Variants in WDR72 observed in about 807,000 individuals in gnomAD.
WDR72 encodes WD repeat-containing protein 72.
Under a neutral mutation model 124.2 loss-of-function variants are expected in WDR72, and 120 were observed. The ratio of observed to expected loss-of-function variants is 0.97; its 90% confidence interval spans 0.83 to 1.12. WDR72 has a LOEUF of 1.12. Among genes scored for constraint, WDR72 ranks in the 50% most tolerant of loss-of-function variants. WDR72 has a pLI of 0.00. For missense variants in WDR72, 1,387 were observed against 1,278.8 expected (o/e 1.08, Z -1.29); for synonymous variants, 452 against 441.7 (o/e 1.02, Z -0.29).
chr15:53,568,031 A>G (rs1376320602), intron 18 of WDR72, among the ~76,000 whole-genome samples: 1 of 145,734 alleles, frequency 6.9e-6, no homozygotes, highest in Non-Finnish European at 1.5e-5. Context: ...ATTATCTAGG[A>G]TGCTCCAAAT....
At chr15:53,595,399 C>A (rs1407766092) in intron 18 of WDR72, among the ~76,000 whole-genome samples, 1 of 152,066 alleles carries the variant, frequency 6.6e-6, no homozygotes, top group African/African-American at 2.4e-5. Context: ...ACTGCAGGAA[C>A]CTCCTTATGT....
chr15:53,596,230 A>G (rs1257883634), intron 18 of WDR72, among the ~76,000 whole-genome samples: 1 of 152,202 alleles, frequency 6.6e-6, no homozygotes, highest in Admixed American at 6.5e-5. Context: ...ACAAAAACAC[A>G]TATTTAATCA....
At chr15:53,742,071 G>A (rs2018525507) in intron 1 of WDR72, among the ~76,000 whole-genome samples, 1 of 152,136 alleles carries the variant, frequency 6.6e-6, no homozygotes, top group Admixed American at 6.5e-5. Flanking sequence ...CTGAGATTCT[G>A]AGAAAGACCA....
At chr15:53,711,569 C>T (rs1361744089) in intron 7 of WDR72, 88 bp from the exon 8 acceptor site, 2 of 1,383,678 alleles carry the variant, frequency 1.4e-6, no homozygotes, top group African/African-American at 2.9e-5. Flanking sequence ...AATAATATAA[C>T]AACATAGTAA....
chr15:53,532,542 A>G (rs1470552711), intron 18 of WDR72, among the ~76,000 whole-genome samples: 2 of 152,156 alleles, frequency 1.3e-5, no homozygotes, highest in African/African-American at 2.4e-5. Flanking sequence ...AGTCAGGTAC[A>G]GAAAAACAAA....
chr15:53,548,611 G>C (rs990732056), intron 18 of WDR72, among the ~76,000 whole-genome samples: 4 of 151,102 alleles, frequency 2.6e-5, no homozygotes, highest in Non-Finnish European at 5.9e-5. Context: ...TGTAGTGAAT[G>C]CTAATGATTT....
chr15:53,592,982 TATTA>T (rs1251301744), intron 18 of WDR72, among the ~76,000 whole-genome samples: 1 of 152,014 alleles, frequency 6.6e-6, no homozygotes, highest in East Asian at 1.9e-4. Context: ...GATACACAAA[TATTA>T]AGACCTCAAA....
chr15:53,730,612 A>G (rs1406107248), intron 2 of WDR72, among the ~76,000 whole-genome samples: 1 of 152,068 alleles, frequency 6.6e-6, no homozygotes, highest in Non-Finnish European at 1.5e-5. Context: ...CTCCCTGTTC[A>G]CTTTACAACC....
At chr15:53,661,443 C>T (rs1376108560) in intron 14 of WDR72, among the ~76,000 whole-genome samples, 6 of 152,140 alleles carry the variant, frequency 3.9e-5, no homozygotes, top group African/African-American at 4.8e-5. Flanking sequence ...AGCTCATGTA[C>T]TCCCATCCTT....
At chr15:53,747,669 A>G (rs1050833869) in intron 1 of WDR72, among the ~76,000 whole-genome samples, 2 of 152,208 alleles carry the variant, frequency 1.3e-5, no homozygotes, top group African/African-American at 4.8e-5. Flanking sequence ...AGATTTTCAC[A>G]GAGTATTGCC....
intron 13 of WDR72, among the ~76,000 whole-genome samples, chr15:53,682,537 C>T (rs2016431390): frequency 6.6e-6 from 1 of 151,968 alleles, no homozygotes; most frequent in Non-Finnish European, 1.5e-5. Context: ...ACCATCTCTT[C>T]ACGGATGCAT....
At chr15:53,697,401 C>T (rs2017035441) in intron 13 of WDR72, among the ~76,000 whole-genome samples, 1 of 152,170 alleles carries the variant, frequency 6.6e-6, no homozygotes. Context: ...TTCTTCCAAC[C>T]CTCCCCTCTC....
At chr15:53,617,979 T>C (rs2013836137) in intron 14 of WDR72, among the ~76,000 whole-genome samples, 1 of 151,996 alleles carries the variant, frequency 6.6e-6, no homozygotes, top group South Asian at 2.1e-4. Context: ...ATTATGAAGG[T>C]GTGTGCTTTA....
intron 1 of WDR72, among the ~76,000 whole-genome samples, chr15:53,743,864 A>G (rs2018573558): frequency 1.3e-5 from 2 of 151,906 alleles, no homozygotes; most frequent in African/African-American, 4.8e-5. Flanking sequence ...AGTCCCAGCT[A>G]CTTGGGAGGC....
At position 53,615,562 on chromosome 15, in the gene WDR72, C is replaced by A. The variant is rs775185617; in HGVS notation, c.2644G>T (p.Val882Phe). The A allele has an allele frequency of 1.8e-5, 29 of 1,612,928 alleles. No individual in the cohort carries two copies. Among genetic ancestry groups the A allele is most frequent in the Non-Finnish European group, 2.0e-5 (24 of 1,179,470 alleles). The change falls in exon 15 of 20, where the codon GTT (valine) becomes TTT (phenylalanine). Residue 882 changes from valine to phenylalanine, a missense_variant. By Grantham distance (50) the Val-to-Phe change is conservative (BLOSUM62 -1). Coordinates refer to ENST00000360509, the MANE Select transcript of WDR72 (RefSeq NM_182758.4). ...DKYTATLPNQVGIPRGLENNC... is the reference protein window; with the variant it reads ...DKYTATLPNQFGIPRGLENNC... Reference sequence around the variant, plus strand: ...TTTTCCAATCCTCTTGGAATTCCAACCTGATTTGGAAGAGTGGCTGTGTAT... The same window carrying A: ...TTTTCCAATCCTCTTGGAATTCCAAACTGATTTGGAAGAGTGGCTGTGTAT...
chr15:53,701,594 C>G (rs1424323746), intron 12 of WDR72, among the ~76,000 whole-genome samples: 2 of 148,084 alleles, frequency 1.4e-5, no homozygotes, highest in African/African-American at 2.5e-5. Flanking sequence ...CACACACACA[C>G]AGAAGACAAA....
intron 13 of WDR72, 50 bp from the exon 14 acceptor site, chr15:53,665,818 C>T (rs2015759957): frequency 6.5e-7 from 1 of 1,528,944 alleles, no homozygotes; most frequent in Non-Finnish European, 9.0e-7. Context: ...TTTACCCCAA[C>T]AGAATAAGAC....
chr15:53,607,957 A>G (rs2013359835), intron 17 of WDR72, among the ~76,000 whole-genome samples: 1 of 152,202 alleles, frequency 6.6e-6, no homozygotes, highest in Non-Finnish European at 1.5e-5. Context: ...CAACAATGCA[A>G]TATCATGTCA....
At chr15:53,744,350 G>A (rs2018589660) in intron 1 of WDR72, among the ~76,000 whole-genome samples, 1 of 152,110 alleles carries the variant, frequency 6.6e-6, no homozygotes, top group Non-Finnish European at 1.5e-5. Flanking sequence ...GCCGTAGAGG[G>A]CTCAAACCAT....
Sources: allele counts gnomAD v4.1 joint callset (sites outside exome capture counted in the v4.1 genomes callset), GRCh38; gene constraint gnomAD v4.1.1; transcripts MANE v1.5; gene names NCBI Gene and HGNC (gene_info 2026-07-23, HGNC 2026-07-21).